Variants in TXLNB observed in about 807,000 individuals in gnomAD.
TXLNB encodes taxilin beta.
Under a neutral mutation model 57.4 loss-of-function variants are expected in TXLNB, and 37 were observed. The observed-to-expected ratio is 0.64, with a 90% CI of 0.50 to 0.85. The LOEUF (loss-of-function observed/expected upper bound fraction) is 0.85, where lower values mean the gene tolerates loss of function less well. Among genes scored for constraint, TXLNB ranks in the 40% least tolerant of loss-of-function variants. TXLNB has a pLI of 0.00. For missense variants in TXLNB, 848 were observed against 825.6 expected (o/e 1.03, Z -0.33); for synonymous variants, 302 against 309.6 (o/e 0.98, Z 0.26).
chr6:139,236,024 C>T (rs1261988856), downstream of TXLNB, among the ~76,000 whole-genome samples: 1 of 152,136 alleles, frequency 6.6e-6, no homozygotes, highest in Non-Finnish European at 1.5e-5. Context: ...AGCCTGACTC[C>T]AGGGGAAGAC....
chr6:139,321,349 A>G, the TXLNB span, among the ~76,000 whole-genome samples: 1 of 152,160 alleles, frequency 6.6e-6, no homozygotes, highest in Admixed American at 6.5e-5. Context: ...GCCTTCTACC[A>G]TATGAAGATA....
chr6:139,317,718 T>A, the TXLNB span, among the ~76,000 whole-genome samples: 1 of 151,790 alleles, frequency 6.6e-6, no homozygotes, highest in Non-Finnish European at 1.5e-5. Context: ...ATGGTAATAA[T>A]AGAGTTAAGA....
the TXLNB span, among the ~76,000 whole-genome samples, chr6:139,300,694 G>A: frequency 4.6e-5 from 7 of 152,152 alleles, no homozygotes; most frequent in Non-Finnish European, 1.0e-4. Flanking sequence ...CCAGGGGTTC[G>A]AGACCAGCCT....
the TXLNB span, among the ~76,000 whole-genome samples, chr6:139,299,354 T>A: frequency 6.6e-6 from 1 of 152,186 alleles, no homozygotes; most frequent in Non-Finnish European, 1.5e-5. Context: ...TTGGGAAACA[T>A]ATCCCATCTG....
chr6:139,212,345 T>A, the TXLNB span, among the ~76,000 whole-genome samples: 3 of 152,134 alleles, frequency 2.0e-5, no homozygotes, highest in Non-Finnish European at 2.9e-5. Context: ...AAGAAAAGAA[T>A]TTTCAACCCA....
chr6:139,250,357 C>CTTTTTTTTTTTT (rs61441759), intron 7 of TXLNB, among the ~76,000 whole-genome samples: 1 of 118,886 alleles, frequency 8.4e-6, no homozygotes, highest in African/African-American at 3.3e-5. Context: ...TTCTTTCTTT[C>CTTTTTTTTTTTT]TTTTTTTTTT....
chr6:139,257,188 G>A (rs539979893), intron 6 of TXLNB, among the ~76,000 whole-genome samples: 26 of 152,222 alleles, frequency 1.7e-4, no homozygotes, highest in African/African-American at 6.3e-4. Flanking sequence ...TTTCTAGGTT[G>A]TTAGGCTTGT....
the TXLNB span, among the ~76,000 whole-genome samples, chr6:139,201,074 T>C: frequency 1.3e-5 from 2 of 152,220 alleles, no homozygotes; most frequent in African/African-American, 2.4e-5. Context: ...CTCTTCCTCA[T>C]TCACAGGAGA....
the TXLNB span, among the ~76,000 whole-genome samples, chr6:139,311,606 ATTG>A: frequency 6.6e-6 from 1 of 152,134 alleles, no homozygotes; most frequent in Non-Finnish European, 1.5e-5. Flanking sequence ...TAAGCAGTTT[ATTG>A]TTGTTAGTTT....
the TXLNB span, among the ~76,000 whole-genome samples, chr6:139,317,834 T>C: frequency 6.6e-6 from 1 of 152,140 alleles, no homozygotes; most frequent in African/African-American, 2.4e-5. Flanking sequence ...TAAGATCTCA[T>C]CAGATGACTG....
the TXLNB span, chr6:139,166,983 A>C: frequency 1.2e-6 from 2 of 1,614,226 alleles, no homozygotes; most frequent in Non-Finnish European, 1.7e-6. Flanking sequence ...CACTTTGATT[A>C]CAGCCCTGCG....
the TXLNB span, among the ~76,000 whole-genome samples, chr6:139,215,333 C>A: frequency 6.6e-6 from 1 of 152,198 alleles, no homozygotes; most frequent in Non-Finnish European, 1.5e-5. Context: ...ATATCTACAA[C>A]TATCTGATCT....
intron 5 of TXLNB, 130 bp from the exon 6 acceptor site, chr6:139,260,567 T>C: frequency 2.1e-6 from 2 of 974,246 alleles, no homozygotes; most frequent in East Asian, 5.2e-5. Context: ...ATAAATGCAT[T>C]GGCATCACTT....
intron 7 of TXLNB, among the ~76,000 whole-genome samples, chr6:139,254,813 A>ATTTTC (rs1776294733): frequency 1.3e-5 from 2 of 151,810 alleles, no homozygotes; most frequent in Non-Finnish European, 2.9e-5. Flanking sequence ...TATTTTTCTC[A>ATTTTC]TTTTCTTTTC....
Position 139,270,519 on chromosome 6 carries a change from G to A in TXLNB, c.624C>T (p.Ile208=). 1 of 1,614,150 alleles carries A rather than the reference G, an allele frequency of 6.2e-7. No homozygotes were observed. The change falls in exon 4 of 10, where the codon ATC becomes ATT. Residue 208 remains isoleucine, a synonymous_variant. Transcript: ENST00000358430. The part of the protein sequence containing the change: ...DQLQGEHSRA[I]LARSKLESLC... ...GACTCTCCAATTTGCTTCGAGCGAG[G>A]ATAGCTCTGCTGTGTTCACCTTGTA... is the stretch of plus-strand genomic sequence containing the variant.
intron 6 of TXLNB, among the ~76,000 whole-genome samples, chr6:139,256,511 C>G (rs1218773916): frequency 2.0e-5 from 3 of 152,112 alleles, no homozygotes; most frequent in Non-Finnish European, 4.4e-5. Flanking sequence ...TGTATTTTTA[C>G]TAGAGACGGG....
At chr6:139,293,716 G>A (rs914107305), upstream of TXLNB, among the ~76,000 whole-genome samples, 3 of 151,952 alleles carry the variant, frequency 2.0e-5, no homozygotes, top group Non-Finnish European at 4.4e-5. Context: ...TCTGAGTTTA[G>A]GGGAGGCATA....
chr6:139,223,229 C>G, the TXLNB span, among the ~76,000 whole-genome samples: 1 of 152,012 alleles, frequency 6.6e-6, no homozygotes, highest in African/African-American at 2.4e-5. Context: ...AAGACGAAAT[C>G]ACAGAGAAAA....
chr6:139,316,348 C>A, the TXLNB span, among the ~76,000 whole-genome samples: 12 of 151,532 alleles, frequency 7.9e-5, no homozygotes, highest in African/African-American at 2.9e-4. Context: ...GTTTCTTATC[C>A]CTCCCCTCCC....
Sources: allele counts gnomAD v4.1 joint callset (sites outside exome capture counted in the v4.1 genomes callset), GRCh38; gene constraint gnomAD v4.1.1; transcripts MANE v1.5; gene names NCBI Gene and HGNC (gene_info 2026-07-23, HGNC 2026-07-21).